BCAS3: variants seen among roughly 807,000 people sequenced by gnomAD.
BCAS3 encodes BCAS3 microtubule associated cell migration factor, also known as BCAS4/BCAS3 fusion.
Under a neutral mutation model 116.1 loss-of-function variants are expected in BCAS3, and 53 were observed. The observed-to-expected ratio is 0.46, with a 90% CI of 0.37 to 0.57. The LOEUF (loss-of-function observed/expected upper bound fraction) is 0.57, where lower values mean the gene tolerates loss of function less well. BCAS3 is among the 20% of genes least tolerant of loss of function. The probability of loss-of-function intolerance (pLI) is 0.00; values close to 1 mark genes in which losing one functional copy is unlikely to be tolerated. For missense variants in BCAS3, 917 were observed against 1,165.4 expected, an observed-to-expected ratio of 0.79 and a Z score of 3.10; for synonymous variants, 391 against 408.2, an observed-to-expected ratio of 0.96 and a Z score of 0.51.
At chr17:61,262,280 A>G (rs1182251635) in intron 22 of BCAS3, among the ~76,000 whole-genome samples, 4 of 152,224 alleles carry the variant, frequency 2.6e-5, no homozygotes, top group Non-Finnish European at 4.4e-5. Flanking sequence ...AATAATCCTT[A>G]GAAAACATAT....
chr17:60,926,177 T>C (rs1286730425), intron 13 of BCAS3, among the ~76,000 whole-genome samples: 2 of 152,182 alleles, frequency 1.3e-5, no homozygotes, highest in East Asian at 3.8e-4. Flanking sequence ...AGATTAGGAA[T>C]GCTCAATCTG....
In BCAS3 at chr17:61,128,257, G is replaced by A. The variant is rs137923005; in HGVS notation, c.2425+43693G>A. ...CCATGCAATGAGGACAGCCTAGGCC[G>A]TGTTAGGCTTTGACTTAAATCAGAT... On this transcript the variant is annotated intron_variant, in intron 22 of 23. Coordinates refer to ENST00000407086, the MANE Select transcript of BCAS3 (RefSeq NM_017679.5). The surrounding 1 kb of genome is among the most constrained non-coding windows in gnomAD (Gnocchi z 4.1). 355 of 985,416 alleles carry A rather than the reference G, an allele frequency of 3.6e-4. No individual in the cohort carries two copies. The highest frequency in any genetic ancestry group is 1.6e-3 in the African/African-American group (92 of 57,354). The allele number at this position is 985,416 out of a possible 1,614,324, so 61.0% of individuals were successfully genotyped here.
At chr17:61,304,128 A>G (rs936246336) in intron 22 of BCAS3, among the ~76,000 whole-genome samples, 1 of 152,060 alleles carries the variant, frequency 6.6e-6, no homozygotes, top group Non-Finnish European at 1.5e-5. Flanking sequence ...ATAGTTCTCA[A>G]ATTTGCTCTT....
intron 22 of BCAS3, among the ~76,000 whole-genome samples, chr17:61,267,730 A>G (rs981493552): frequency 2.0e-5 from 3 of 151,654 alleles, no homozygotes; most frequent in Non-Finnish European, 4.4e-5. Flanking sequence ...TCCAGAAAAA[A>G]AAAAAAAGAA....
chr17:61,047,252 G>A (rs1413394020), intron 19 of BCAS3, among the ~76,000 whole-genome samples: 1 of 151,858 alleles, frequency 6.6e-6, no homozygotes, highest in Non-Finnish European at 1.5e-5. Flanking sequence ...TTGGTGTATT[G>A]TAAATTAGAT....
intron 16 of BCAS3, among the ~76,000 whole-genome samples, chr17:61,025,686 CTTGGCA>C (rs1001581998): frequency 4.7e-4 from 72 of 152,130 alleles, no homozygotes; most frequent in African/African-American, 1.7e-3. Flanking sequence ...GCTATCCTTG[CTTGGCA>C]TTGGCATTGG....
rs538858732 is a variant in BCAS3, at chr17:61,088,818, G to A, written c.2425+4254G>A. The stretch of plus-strand genomic sequence containing the variant: ...AACTTATGCGTGACTCATATGCAGA[G>A]CAGACATCTTTATCAAACTCTATTA... On this transcript the variant is annotated intron_variant, in intron 22 of 23. Coordinates refer to ENST00000407086, the MANE Select transcript of BCAS3 (RefSeq NM_017679.5). The surrounding 1 kb of genome is among the most constrained non-coding windows in gnomAD (Gnocchi z 4.2). Among the ~76,000 whole-genome samples the A allele has an allele frequency of 3.9e-5, 6 of 152,282 alleles. No homozygotes were observed. The highest frequency in any genetic ancestry group is 1.4e-4 in the African/African-American group (6 of 41,556).
At chr17:60,937,241 T>TA (rs1028367463) in intron 13 of BCAS3, among the ~76,000 whole-genome samples, 6 of 152,018 alleles carry the variant, frequency 3.9e-5, no homozygotes, top group Non-Finnish European at 5.9e-5. Context: ...TGTTTTTTTT[T>TA]TATATATCCT....
At position 60,907,079 on chromosome 17, in the gene BCAS3, G is replaced by A. The variant is rs139816773; in HGVS notation, c.823-3453G>A. ...GAGGATAAATATATTCATTGCATAT[G>A]TACTTGGAGCTCCTTAGAGGAAATA... On this transcript the variant is annotated intron_variant, in intron 11 of 23. Transcript: ENST00000407086. Among the ~76,000 whole-genome samples, 973 of 152,226 alleles carry A rather than the reference G, an allele frequency of 6.4e-3. 6 individuals are homozygous for A. The highest frequency in any genetic ancestry group is 0.022 in the African/African-American group (923 of 41,546).
intron 10 of BCAS3, 151 bp from the exon 11 acceptor site, chr17:60,902,469 G>A (rs1039594564): frequency 3.1e-6 from 2 of 645,322 alleles, no homozygotes; most frequent in African/African-American, 3.6e-5. Context: ...TCTCGGCAAA[G>A]CTTTTAGCTG....
At chr17:61,035,928 T>G (rs766724344) in intron 17 of BCAS3, among the ~76,000 whole-genome samples, 52 of 152,052 alleles carry the variant, frequency 3.4e-4, no homozygotes, top group Non-Finnish European at 6.2e-4. Flanking sequence ...AGCTTATGAA[T>G]TGTTTATTTC....
chr17:60,863,102 A>G (rs2144862205), intron 7 of BCAS3, among the ~76,000 whole-genome samples: 1 of 152,294 alleles, frequency 6.6e-6, no homozygotes, highest in Non-Finnish European at 1.5e-5. Flanking sequence ...TTTTTGGAGC[A>G]ATTTAATTTT....
chr17:60,861,494 C>T (rs564803949), intron 7 of BCAS3, among the ~76,000 whole-genome samples: 6 of 152,204 alleles, frequency 3.9e-5, no homozygotes, highest in African/African-American at 1.2e-4. Context: ...CTTTCTCTTT[C>T]CTGATTGCTC....
intron 22 of BCAS3, among the ~76,000 whole-genome samples, chr17:61,086,211 C>A (rs2073079273): frequency 6.6e-6 from 1 of 152,218 alleles, no homozygotes; most frequent in Non-Finnish European, 1.5e-5. Context: ...ATCTCGGCTT[C>A]CCGAGTAGCT....
At position 61,380,207 on chromosome 17, in the gene BCAS3, C is replaced by T. The variant is rs966551782; in HGVS notation, c.2593+11713C>T. The T allele has an allele frequency of 2.8e-6, 1 of 353,010 alleles. No homozygotes were observed. Among genetic ancestry groups the T allele is most frequent in the African/African-American group, 2.1e-5 (1 of 48,084 alleles). 21.9% of individuals were successfully genotyped at this position (353,010 alleles called of 1,614,324 possible). A position where few individuals can be genotyped will look rare whatever the true frequency, so the allele number is the denominator to read the frequency against. On this transcript the variant is annotated intron_variant, in intron 23 of 23. Coordinates refer to ENST00000407086, the MANE Select transcript of BCAS3 (RefSeq NM_017679.5). The surrounding 1 kb of genome is among the most constrained non-coding windows in gnomAD (Gnocchi z 4.2). ...AAAATCTGAGGGGTTACCCAGGATG[C>T]CGGCTTTCTCTCTACATCATTCCCT...
intron 19 of BCAS3, among the ~76,000 whole-genome samples, chr17:61,055,530 A>T (rs1253572283): frequency 6.6e-6 from 1 of 152,166 alleles, no homozygotes; most frequent in Non-Finnish European, 1.5e-5. Context: ...ATCCATTTAT[A>T]ATAAGTGACC....
chr17:61,033,105 G>T (rs1434521597), intron 16 of BCAS3, among the ~76,000 whole-genome samples: 5 of 152,166 alleles, frequency 3.3e-5, no homozygotes, highest in Non-Finnish European at 7.4e-5. Flanking sequence ...TGAAGATTAG[G>T]TTGGGGCTGA....
At chr17:60,721,685 A>T (rs1053209432) in intron 5 of BCAS3, among the ~76,000 whole-genome samples, 2 of 152,040 alleles carry the variant, frequency 1.3e-5, no homozygotes, top group Admixed American at 6.6e-5. Context: ...GTGGAATGCA[A>T]TTTTTTTCTG....
chr17:61,072,676 CA>C (rs75914013), intron 19 of BCAS3, among the ~76,000 whole-genome samples: 13,392 of 102,314 alleles, frequency 0.13, 1,719 homozygotes, highest in African/African-American at 0.36. Context: ...GCTTTATTAC[CA>C]AAAAAAAAAA....
Sources: gnomAD v4.1 joint callset for allele counts (sites outside exome capture counted in the v4.1 genomes callset) on GRCh38, gnomAD v4.1.1 for gene constraint, Gnocchi (gnomAD v3.1) non-coding constraint, MANE v1.5 for transcripts, NCBI Gene and HGNC (gene_info 2026-07-23, HGNC 2026-07-21) for gene names.